The following KCNB2 variants were observed in gnomAD, a reference collection of about 807,000 sequenced individuals.
KCNB2 encodes the protein delayed rectifier potassium channel protein.
Under a neutral mutation model 61.5 loss-of-function variants are expected in KCNB2, and 15 were observed. The observed-to-expected ratio is 0.24, with a 90% CI of 0.16 to 0.38. The LOEUF (loss-of-function observed/expected upper bound fraction) is 0.38. Among genes scored for constraint, KCNB2 ranks in the 10% least tolerant of loss-of-function variants. The pLI is 1.00. For missense variants in KCNB2, 828 were observed against 1,125.2 expected, an observed-to-expected ratio of 0.74 and a Z score of 3.78; for synonymous variants, 457 against 446.0, an observed-to-expected ratio of 1.02 and a Z score of -0.31.
intron 2 of KCNB2, among the ~76,000 whole-genome samples, chr8:72,872,110 G>C (rs1340848542): frequency 6.6e-6 from 1 of 152,188 alleles, no homozygotes; most frequent in African/African-American, 2.4e-5. Flanking sequence ...CAGCTTGTCA[G>C]TTTCACACAG....
chr8:72,791,549 C>A (rs1808943713), intron 2 of KCNB2, among the ~76,000 whole-genome samples: 1 of 151,934 alleles, frequency 6.6e-6, no homozygotes. Context: ...GACTCTGTCT[C>A]AAAAAATAAA....
chr8:72,562,743 A>C (rs570807937), intron 1 of KCNB2, among the ~76,000 whole-genome samples: 1 of 152,338 alleles, frequency 6.6e-6, no homozygotes, highest in Non-Finnish European at 1.5e-5. Flanking sequence ...TTATACTTAT[A>C]TACAGAATTG....
At chr8:72,827,409 C>G (rs1809613470) in intron 2 of KCNB2, among the ~76,000 whole-genome samples, 2 of 151,904 alleles carry the variant, frequency 1.3e-5, no homozygotes, top group Admixed American at 1.3e-4. Flanking sequence ...GTGAAAAATT[C>G]CAACCAAAAC....
Position 72,627,576 on chromosome 8 carries a change from A to G in KCNB2, c.579+59263A>G, listed in dbSNP as rs1489220. Among the ~76,000 whole-genome samples, 606 of 152,340 alleles carry G rather than the reference A, an allele frequency of 4.0e-3. 4 individuals are homozygous for G. Among genetic ancestry groups the G allele is most frequent in the African/African-American group, 0.013 (555 of 41,588 alleles). ...TTTTTTTTATGCATGATTTTTATCCATGATAACACTAGGTGAATGCAGAAA... is the reference window on the plus strand; with the variant it reads ...TTTTTTTTATGCATGATTTTTATCCGTGATAACACTAGGTGAATGCAGAAA... On this transcript the variant is annotated intron_variant, in intron 2 of 2. Coordinates refer to ENST00000523207, the MANE Select transcript of KCNB2 (RefSeq NM_004770.3).
intron 2 of KCNB2, among the ~76,000 whole-genome samples, chr8:72,580,928 A>G (rs186840362): frequency 8.3e-4 from 127 of 152,256 alleles, no homozygotes; most frequent in African/African-American, 2.8e-3. Context: ...AAAAACTGCA[A>G]TGATTCCCCA....
chr8:72,671,394 G>A (rs80134562), intron 2 of KCNB2, among the ~76,000 whole-genome samples: 2,725 of 152,210 alleles, frequency 0.018, 45 homozygotes, highest in South Asian at 0.055. Context: ...TCTTTGATTG[G>A]TTCATTCATC....
chr8:72,687,531 A>T (rs555126129), intron 2 of KCNB2, among the ~76,000 whole-genome samples: 2 of 152,330 alleles, frequency 1.3e-5, no homozygotes, highest in African/African-American at 4.8e-5. Context: ...GGGAGGGGTC[A>T]CAACGATGGA....
At chr8:72,714,507 A>G (rs1297012277) in intron 2 of KCNB2, among the ~76,000 whole-genome samples, 1 of 144,338 alleles carries the variant, frequency 6.9e-6, no homozygotes, top group East Asian at 2.0e-4. Flanking sequence ...GCCAATATTC[A>G]ACATTCTTAA....
chr8:72,913,726 A>G (rs1806341515), intron 2 of KCNB2, among the ~76,000 whole-genome samples: 1 of 152,208 alleles, frequency 6.6e-6, no homozygotes, highest in Admixed American at 6.5e-5. Flanking sequence ...GCCAGTCTGG[A>G]GTTCCAGGAT....
intron 2 of KCNB2, among the ~76,000 whole-genome samples, chr8:72,671,863 T>C (rs1050323634): frequency 3.3e-5 from 5 of 152,198 alleles, no homozygotes; most frequent in African/African-American, 1.2e-4. Context: ...GAGAATAAGA[T>C]AGTGCTGAGT....
intron 2 of KCNB2, among the ~76,000 whole-genome samples, chr8:72,851,013 A>G (rs1369587673): frequency 6.6e-6 from 1 of 151,940 alleles, no homozygotes; most frequent in Non-Finnish European, 1.5e-5. Flanking sequence ...CATGGCATAA[A>G]CCAAGGCATC....
chr8:72,615,589 A>G (rs1382921211), intron 2 of KCNB2, among the ~76,000 whole-genome samples: 1 of 152,192 alleles, frequency 6.6e-6, no homozygotes, highest in East Asian at 1.9e-4. Flanking sequence ...CCACATTTTG[A>G]AAACTGCTGT....
At chr8:72,617,597 CAAA>C (rs10706658) in intron 2 of KCNB2, among the ~76,000 whole-genome samples, 7 of 136,106 alleles carry the variant, frequency 5.1e-5, no homozygotes, top group Non-Finnish European at 3.1e-5. Context: ...CACAGAAGTG[CAAA>C]AAAAAAAAAA....
At position 72,710,382 on chromosome 8, in the gene KCNB2, C is replaced by T. The variant is rs192963950; in HGVS notation, c.579+142069C>T. On this transcript the variant is annotated intron_variant, in intron 2 of 2. Coordinates refer to ENST00000523207, the MANE Select transcript of KCNB2 (RefSeq NM_004770.3). ...ATAATCCCCAAATAGGAAACTAATA[C>T]TTGAAAATGATAAATACTTCAACTA... 4.8e-3 allele frequency among the ~76,000 whole-genome samples: 727 copies of T among 152,182 alleles called. 4 individuals carry two copies. The highest frequency in any genetic ancestry group is 0.017 in the African/African-American group (700 of 41,502).
intron 2 of KCNB2, among the ~76,000 whole-genome samples, chr8:72,901,814 G>A (rs962430332): frequency 6.6e-6 from 1 of 152,132 alleles, no homozygotes; most frequent in Non-Finnish European, 1.5e-5. Flanking sequence ...ATTCCCATCA[G>A]CAATGACCAT....
chr8:72,898,968 G>A (rs561378823), intron 2 of KCNB2, among the ~76,000 whole-genome samples: 16 of 152,066 alleles, frequency 1.1e-4, no homozygotes, highest in East Asian at 1.9e-4. Context: ...TGCAAGGGAC[G>A]TGATTTCATT....
At chr8:72,868,056 GTT>G (rs67377649) in intron 2 of KCNB2, among the ~76,000 whole-genome samples, 3 of 143,706 alleles carry the variant, frequency 2.1e-5, no homozygotes, top group Non-Finnish European at 4.5e-5. Flanking sequence ...TTGATTTTGG[GTT>G]TTTTTTTTTA....
chr8:72,822,022 T>G (rs1318016687), intron 2 of KCNB2, among the ~76,000 whole-genome samples: 1 of 152,124 alleles, frequency 6.6e-6, no homozygotes, highest in African/African-American at 2.4e-5. Context: ...CACCAACAGC[T>G]CATCCCGTGC....
intron 2 of KCNB2, among the ~76,000 whole-genome samples, chr8:72,692,011 C>A (rs1478355377): frequency 6.6e-6 from 1 of 151,976 alleles, no homozygotes; most frequent in South Asian, 2.1e-4. Context: ...CCGAGGCAGG[C>A]AGATCACGAA....
Sources: allele counts gnomAD v4.1 joint callset (sites outside exome capture counted in the v4.1 genomes callset), GRCh38; gene constraint gnomAD v4.1.1; transcripts MANE v1.5; gene names NCBI Gene and HGNC (gene_info 2026-07-23, HGNC 2026-07-21).